NEBL: variants seen among roughly 807,000 people sequenced by gnomAD.
NEBL encodes LIM and SH3 protein 2.
NEBL carries 122 observed loss-of-function variants against 140.2 expected under a neutral mutation model. That is an observed-to-expected ratio of 0.87 (90% CI 0.75 to 1.01). NEBL has a LOEUF of 1.01. NEBL is among the 50% of genes least tolerant of loss of function. The pLI, the probability that NEBL is intolerant of heterozygous loss-of-function variation, is 0.00. For synonymous variants in NEBL, 436 were observed against 398.9 expected, an observed-to-expected ratio of 1.09 and a Z score of -1.11; for missense variants, 1,365 against 1,231.3, an observed-to-expected ratio of 1.11 and a Z score of -1.62.
At chr10:20,945,708 C>T (rs998930681) in intron 4 of NEBL, among the ~76,000 whole-genome samples, 5 of 152,152 alleles carry the variant, frequency 3.3e-5, no homozygotes, top group African/African-American at 7.2e-5. Flanking sequence ...CACTAGCTTC[C>T]GTACCGACAA....
chr10:20,823,493 C>T (rs774805306), intron 18 of NEBL, among the ~76,000 whole-genome samples, 193 bp from the exon 19 acceptor site: 7 of 151,824 alleles, frequency 4.6e-5, no homozygotes, highest in Admixed American at 1.3e-4. Flanking sequence ...CAAATAAATC[C>T]GTATCTATTC....
chr10:21,018,489 C>A (rs1247773433), intron 3 of NEBL, among the ~76,000 whole-genome samples: 2 of 152,120 alleles, frequency 1.3e-5, no homozygotes, highest in African/African-American at 2.4e-5. Flanking sequence ...ATTTTTGTAA[C>A]CAAAACCAGT....
chr10:20,917,117 C>A (rs1833339103), intron 4 of NEBL, among the ~76,000 whole-genome samples: 1 of 152,296 alleles, frequency 6.6e-6, no homozygotes, highest in African/African-American at 2.4e-5. Context: ...GCCTACTTAT[C>A]CATGTGTGCC....
At chr10:21,259,922 A>G (rs1192777036) in intron 1 of NEBL, among the ~76,000 whole-genome samples, 2 of 152,198 alleles carry the variant, frequency 1.3e-5, no homozygotes, top group Admixed American at 6.5e-5. Context: ...CCCTGAAGGC[A>G]GTTGGCAGCC....
intron 2 of NEBL, among the ~76,000 whole-genome samples, chr10:21,160,424 C>T (rs1307176503): frequency 6.6e-6 from 1 of 152,160 alleles, no homozygotes; most frequent in African/African-American, 2.4e-5. Context: ...GAGGCAAACC[C>T]TCTAAACAGA....
At chr10:20,993,019 A>C (rs964721438) in intron 3 of NEBL, among the ~76,000 whole-genome samples, 1 of 151,510 alleles carries the variant, frequency 6.6e-6, no homozygotes, top group Non-Finnish European at 1.5e-5. Flanking sequence ...TCCTGACCTC[A>C]TGATCTGCCC....
chr10:20,815,823 CA>C, intron 21 of NEBL, 106 bp from the exon 22 acceptor site: 1 of 815,142 alleles, frequency 1.2e-6, no homozygotes, highest in Non-Finnish European at 2.1e-6. Context: ...GGCTGAAGTG[CA>C]GTGGTACAAT....
chr10:20,913,285 A>AT (rs1164183945), intron 4 of NEBL, among the ~76,000 whole-genome samples: 2 of 152,188 alleles, frequency 1.3e-5, no homozygotes, highest in African/African-American at 4.8e-5. Flanking sequence ...AAGAAAAGCA[A>AT]TTATTCATTC....
At chr10:21,177,816 C>G (rs1841327694), upstream of NEBL, among the ~76,000 whole-genome samples, 1 of 152,186 alleles carries the variant, frequency 6.6e-6, no homozygotes, top group Non-Finnish European at 1.5e-5. Flanking sequence ...GCGTGAGCCA[C>G]CGTGCCCAGC....
At chr10:21,255,123 AG>A (rs1237302032) in intron 1 of NEBL, among the ~76,000 whole-genome samples, 1 of 152,174 alleles carries the variant, frequency 6.6e-6, no homozygotes, top group Non-Finnish European at 1.5e-5. Flanking sequence ...TGGTTCGCCC[AG>A]GAGCTTCATC....
At chr10:21,087,892 C>T (rs1384303484) in intron 2 of NEBL, among the ~76,000 whole-genome samples, 5 of 152,162 alleles carry the variant, frequency 3.3e-5, no homozygotes, top group African/African-American at 9.7e-5. Context: ...AATTAAATGG[C>T]TCTTGGTACA....
intron 3 of NEBL, among the ~76,000 whole-genome samples, chr10:21,218,693 G>A (rs900406962): frequency 2.6e-5 from 4 of 152,014 alleles, no homozygotes; most frequent in Non-Finnish European, 4.4e-5. Context: ...ACAATTTATC[G>A]ATATCTACAT....
chr10:21,033,815 A>T (rs1043741024), intron 2 of NEBL, among the ~76,000 whole-genome samples: 33 of 152,032 alleles, frequency 2.2e-4, no homozygotes, highest in Admixed American at 7.9e-4. Context: ...GGCTCTTATG[A>T]TATGGCTCTC....
chr10:20,800,413 G>A (rs1378922702), intron 26 of NEBL, among the ~76,000 whole-genome samples: 1 of 152,010 alleles, frequency 6.6e-6, no homozygotes, highest in South Asian at 2.1e-4. Flanking sequence ...TGGCTATTAC[G>A]ATAAAAATGC....
At chr10:20,972,405 A>G (rs1463523425) in intron 3 of NEBL, among the ~76,000 whole-genome samples, 1 of 152,168 alleles carries the variant, frequency 6.6e-6, no homozygotes, top group Non-Finnish European at 1.5e-5. Flanking sequence ...AAAAAAGAAG[A>G]AAAAAACTCT....
chr10:20,987,409 C>G (rs1289022245), intron 3 of NEBL, among the ~76,000 whole-genome samples: 1 of 152,098 alleles, frequency 6.6e-6, no homozygotes. Context: ...ATTACTCCAG[C>G]CACATCTCTT....
chr10:20,784,823 A>AG lies in NEBL; in HGVS notation c.*923dup, dbSNP rs1835275280. The AG allele has an allele frequency of 6.6e-6, 1 of 152,238 alleles. No individual in the cohort carries two copies. The highest frequency in any genetic ancestry group is 1.5e-5 in the Non-Finnish European group (1 of 68,044). 9.4% of individuals were successfully genotyped at this position (152,238 alleles called of 1,614,324 possible). A position where few individuals can be genotyped will look rare whatever the true frequency, so the allele number is the denominator to read the frequency against. On this transcript the variant is annotated 3_prime_UTR_variant, in exon 28 of 28. Coordinates refer to ENST00000377122, the MANE Select transcript of NEBL (RefSeq NM_006393.3). ...CTTCAAAACTAGAGTGCGATGCAGC[A>AG]GGAAAATCTCAAGCATCTTTTCAAA...
intron 2 of NEBL, chr10:21,030,409 T>G: frequency 3.2e-6 from 2 of 618,828 alleles, no homozygotes; most frequent in Non-Finnish European, 6.0e-6. Context: ...CTCTAGAAAA[T>G]GAAACACTCA....
At chr10:21,064,802 G>T (rs1037383392) in intron 2 of NEBL, among the ~76,000 whole-genome samples, 1 of 152,012 alleles carries the variant, frequency 6.6e-6, no homozygotes, top group African/African-American at 2.4e-5. Context: ...ATAATTAACA[G>T]AGATACTATT....
Sources: allele counts gnomAD v4.1 joint callset (sites outside exome capture counted in the v4.1 genomes callset), GRCh38; gene constraint gnomAD v4.1.1; transcripts MANE v1.5; gene names NCBI Gene and HGNC (gene_info 2026-07-23, HGNC 2026-07-21).